LPXN: variants seen among roughly 807,000 people sequenced by gnomAD.
LPXN encodes leupaxin.
Under a neutral mutation model 45.6 loss-of-function variants are expected in LPXN, and 28 were observed. The observed-to-expected ratio is 0.61, with a 90% CI of 0.45 to 0.84. The LOEUF (loss-of-function observed/expected upper bound fraction) is 0.84, where lower values mean the gene tolerates loss of function less well. Among genes scored for constraint, LPXN ranks in the 40% least tolerant of loss-of-function variants. LPXN has a pLI of 0.00. For missense variants in LPXN, 459 were observed against 475.0 expected, an observed-to-expected ratio of 0.97 and a Z score of 0.31; for synonymous variants, 166 against 169.9, an observed-to-expected ratio of 0.98 and a Z score of 0.18.
chr11:58,576,345 T>G (rs1854891505), upstream of LPXN, among the ~76,000 whole-genome samples: 1 of 152,178 alleles, frequency 6.6e-6, no homozygotes, highest in African/African-American at 2.4e-5. Context: ...AGGGCAGAAG[T>G]GGATTCATGC....
chr11:58,571,901 C>T (rs186786761), intron 1 of LPXN, among the ~76,000 whole-genome samples: 56 of 152,248 alleles, frequency 3.7e-4, no homozygotes, highest in Non-Finnish European at 6.9e-4. Context: ...TGAATCTGGG[C>T]TATCTGATCC....
At chr11:58,573,016 C>T (rs1016434656) in intron 1 of LPXN, among the ~76,000 whole-genome samples, 11 of 152,028 alleles carry the variant, frequency 7.2e-5, no homozygotes, top group South Asian at 2.1e-4. Flanking sequence ...GAGGCCGAGG[C>T]GGGCGGATCG....
intron 3 of LPXN, among the ~76,000 whole-genome samples, chr11:58,561,012 G>A (rs35452076): frequency 2.0e-5 from 3 of 151,976 alleles, no homozygotes; most frequent in African/African-American, 4.8e-5. Context: ...GGAAATCACC[G>A]GGCCAAAAGG....
At chr11:58,564,248 T>G in intron 2 of LPXN, 47 bp from the exon 3 acceptor site, 1 of 1,352,300 alleles carries the variant, frequency 7.4e-7, no homozygotes, top group East Asian at 2.3e-5. Context: ...AAATTTTTGT[T>G]ATCAGAATGT....
At chr11:58,548,489 G>A (rs1188588644) in intron 7 of LPXN, among the ~76,000 whole-genome samples, 1 of 151,740 alleles carries the variant, frequency 6.6e-6, no homozygotes, top group Non-Finnish European at 1.5e-5. Flanking sequence ...GTTGCCAGAT[G>A]TAGTTGGCCA....
upstream of LPXN, among the ~76,000 whole-genome samples, chr11:58,578,823 A>T (rs1317311949): frequency 1.3e-5 from 2 of 150,576 alleles, no homozygotes; most frequent in Non-Finnish European, 3.0e-5. Flanking sequence ...CACTGCCCCT[A>T]GCGCGCGTTG....
intron 7 of LPXN, among the ~76,000 whole-genome samples, chr11:58,529,777 A>C (rs1429939300): frequency 3.3e-5 from 5 of 152,206 alleles, no homozygotes; most frequent in Non-Finnish European, 1.5e-5. Flanking sequence ...TCAGGTCTGC[A>C]GCTTCCAGTG....
chr11:58,553,899 A>T (rs898816585), intron 4 of LPXN: 7 of 152,180 alleles, frequency 4.6e-5, no homozygotes, highest in African/African-American at 1.4e-4. Flanking sequence ...GGCAGATTTT[A>T]TCTCAATATG....
intron 3 of LPXN, among the ~76,000 whole-genome samples, chr11:58,555,739 A>AACAC (rs139423306): frequency 0.025 from 3,323 of 135,384 alleles, 50 homozygotes; most frequent in Non-Finnish European, 0.027. Flanking sequence ...TAGCAATGAA[A>AACAC]ACACACACAC....
intron 7 of LPXN, among the ~76,000 whole-genome samples, chr11:58,530,479 T>C (rs1420729009): frequency 1.3e-5 from 2 of 152,224 alleles, no homozygotes; most frequent in Non-Finnish European, 2.9e-5. Context: ...AAGGCTGCTG[T>C]GGCTAGACTG....
chr11:58,561,257 C>G (rs1224124734), intron 3 of LPXN, among the ~76,000 whole-genome samples: 3 of 151,892 alleles, frequency 2.0e-5, no homozygotes, highest in Admixed American at 2.0e-4. Flanking sequence ...TAGTTACCAG[C>G]CAGAAAAAAA....
At chr11:58,570,412 T>A in intron 2 of LPXN, 144 bp downstream of exon 2, 2 of 516,244 alleles carry the variant, frequency 3.9e-6, no homozygotes, top group Non-Finnish European at 6.5e-6. Flanking sequence ...TCCAAAAACA[T>A]CTTTAGATTA....
intron 3 of LPXN, among the ~76,000 whole-genome samples, chr11:58,560,045 A>C (rs917306214): frequency 1.3e-5 from 2 of 152,204 alleles, no homozygotes; most frequent in African/African-American, 2.4e-5. Context: ...GAGTGGTCTC[A>C]ATTTTCACCC....
chr11:58,573,118 G>C (rs892889501), intron 1 of LPXN, among the ~76,000 whole-genome samples: 2 of 151,912 alleles, frequency 1.3e-5, no homozygotes, highest in Admixed American at 6.6e-5. Flanking sequence ...GGCGGCACAT[G>C]TCTGCAATCC....
intron 4 of LPXN, among the ~76,000 whole-genome samples, chr11:58,553,592 G>A (rs143653461): frequency 2.6e-5 from 4 of 152,200 alleles, no homozygotes; most frequent in Non-Finnish European, 4.4e-5. Flanking sequence ...TGTTGCTCAC[G>A]ATGTATCAGG....
chr11:58,536,728 C>T (rs1853564250), intron 7 of LPXN, among the ~76,000 whole-genome samples: 1 of 151,634 alleles, frequency 6.6e-6, no homozygotes, highest in Admixed American at 6.6e-5. Context: ...AGGCAATCTA[C>T]AAAATTGGAG....
At chr11:58,577,148 T>G (rs1239616718), upstream of LPXN, among the ~76,000 whole-genome samples, 1 of 147,534 alleles carries the variant, frequency 6.8e-6, no homozygotes, top group African/African-American at 2.6e-5. Context: ...TGTCTGTACA[T>G]TTTTTTTTGA....
chr11:58,575,097 T>C (rs1854840851), intron 1 of LPXN, among the ~76,000 whole-genome samples: 1 of 152,184 alleles, frequency 6.6e-6, no homozygotes, highest in Admixed American at 6.5e-5. Context: ...ATTTCTCTGG[T>C]TAATATGGTT....
intron 7 of LPXN, among the ~76,000 whole-genome samples, chr11:58,528,700 T>C (rs1853301554): frequency 6.6e-6 from 1 of 152,240 alleles, no homozygotes; most frequent in African/African-American, 2.4e-5. Flanking sequence ...CTCTAATATC[T>C]AAAACAGCAT....
Sources: allele counts gnomAD v4.1 joint callset (sites outside exome capture counted in the v4.1 genomes callset), GRCh38; gene constraint gnomAD v4.1.1; transcripts MANE v1.5; gene names NCBI Gene and HGNC (gene_info 2026-07-23, HGNC 2026-07-21).